The following RAD54L2 variants were observed in gnomAD, a reference collection of about 807,000 sequenced individuals.
The protein encoded by RAD54L2 is helicase ARIP4.
A neutral mutation model predicts 138.4 loss-of-function variants in RAD54L2; 27 were observed. The observed-to-expected ratio is 0.20, with a 90% CI of 0.14 to 0.27. The LOEUF is 0.27. Ranked by LOEUF, RAD54L2 falls within the 10% of genes least tolerant of loss-of-function variation. RAD54L2 has a pLI of 1.00. For synonymous variants in RAD54L2, 644 were observed against 723.2 expected, an observed-to-expected ratio of 0.89 and a Z score of 1.76; for missense variants, 1,396 against 1,890.2, an observed-to-expected ratio of 0.74 and a Z score of 4.85.
chr3:51,566,683 T>G (rs1333888140), intron 2 of RAD54L2, among the ~76,000 whole-genome samples: 1 of 151,908 alleles, frequency 6.6e-6, no homozygotes, highest in Non-Finnish European at 1.5e-5. Flanking sequence ...TTCTGTTTGA[T>G]TAGTTCCTCG....
chr3:51,597,644 A>G (rs1201311878), intron 3 of RAD54L2, among the ~76,000 whole-genome samples: 1 of 152,162 alleles, frequency 6.6e-6, no homozygotes, highest in Non-Finnish European at 1.5e-5. Flanking sequence ...CCTGGCCAAC[A>G]TGGAGAAACC....
chr3:51,564,056 C>T (rs989404974), intron 2 of RAD54L2, among the ~76,000 whole-genome samples: 1 of 152,182 alleles, frequency 6.6e-6, no homozygotes, highest in East Asian at 1.9e-4. Context: ...TTTGAGTCTG[C>T]TGGCTATAGT....
chr3:51,603,445 A>C (rs1700116864), intron 3 of RAD54L2, among the ~76,000 whole-genome samples: 1 of 152,102 alleles, frequency 6.6e-6, no homozygotes, highest in African/African-American at 2.4e-5. Flanking sequence ...GCCTCTACTA[A>C]AAAATACAAA....
rs538632589 is a variant in RAD54L2, at chr3:51,666,256, A to G, written c.*2836A>G. The G allele has an allele frequency of 8.6e-6, 1 of 116,322 alleles. No individual in the cohort carries two copies. The highest frequency in any genetic ancestry group is 2.8e-4 in the East Asian group (1 of 3,554). The allele number at this position is 116,322 out of a possible 1,614,324, so 7.2% of individuals were successfully genotyped here. A position where few individuals can be genotyped will look rare whatever the true frequency, so the allele number is the denominator to read the frequency against. On this transcript the variant is annotated 3_prime_UTR_variant, in exon 23 of 23. Transcript: ENST00000684192. ...CTTCTGACTTTTCCACTGTCTCTTT[A>G]TATGTGCTGATAGGCAAATGTGCAT...
chr3:51,635,671 C>T lies in RAD54L2; in HGVS notation c.1221C>T (p.Tyr407=), dbSNP rs1700967132. The part of the protein sequence containing the change: ...GGVLLMGYEM[Y]RLLTLKKSFA... ...TGCTGCTGATGGGGTACGAGATGTA[C>T]AGACTCCTCACTCTGAAGAAATCAT... is the stretch of plus-strand genomic sequence containing the variant. The change falls in exon 10 of 23, where the codon TAC becomes TAT. Residue 407 remains tyrosine (Y), a synonymous_variant. Coordinates refer to ENST00000684192, the MANE Select transcript of RAD54L2 (RefSeq NM_015106.4). The T allele has an allele frequency of 6.2e-7, 1 of 1,613,692 alleles. No homozygotes were observed. Among genetic ancestry groups the T allele is most frequent in the African/African-American group, 1.3e-5 (1 of 74,856 alleles).
intron 19 of RAD54L2, among the ~76,000 whole-genome samples, chr3:51,653,443 A>C (rs1316101567): frequency 1.3e-5 from 2 of 152,248 alleles, no homozygotes; most frequent in Non-Finnish European, 2.9e-5. Flanking sequence ...ATATACCCAA[A>C]GGATTATAAA....
chr3:51,629,509 T>G, intron 5 of RAD54L2, 36 bp downstream of exon 5: 4 of 1,605,706 alleles, frequency 2.5e-6, no homozygotes, highest in Non-Finnish European at 3.4e-6. Context: ...GCCCTTTGCT[T>G]CAGGAGGAAG....
Position 51,633,554 on chromosome 3 carries a change from C to G in RAD54L2, c.826-23C>G, listed in dbSNP as rs1285980009. On this transcript the variant is annotated intron_variant, in intron 7 of 22. Coordinates refer to ENST00000684192, the MANE Select transcript of RAD54L2 (RefSeq NM_015106.4). Reference sequence around the variant, plus strand: ...CCCTCATCTTTGTGAGCCCCTCTGACATTTGTCTTTGTCCCTTGTCAGATT... The same window carrying G: ...CCCTCATCTTTGTGAGCCCCTCTGAGATTTGTCTTTGTCCCTTGTCAGATT... 1.9e-6 allele frequency: 3 copies of G among 1,600,150 alleles called. No homozygotes were observed. In the African/African-American group the frequency reaches 4.0e-5, roughly 21 times the overall value.
At chr3:51,569,818 A>T (rs1699296886) in intron 2 of RAD54L2, among the ~76,000 whole-genome samples, 1 of 151,972 alleles carries the variant, frequency 6.6e-6, no homozygotes, top group Non-Finnish European at 1.5e-5. Flanking sequence ...ATATGCTAAC[A>T]TTTTATTTAT....
intron 2 of RAD54L2, among the ~76,000 whole-genome samples, chr3:51,561,331 C>T (rs1217542941): frequency 1.3e-5 from 2 of 152,030 alleles, no homozygotes; most frequent in Non-Finnish European, 2.9e-5. Context: ...TTGCAACCTC[C>T]ACCTCCTGGG....
intron 2 of RAD54L2, among the ~76,000 whole-genome samples, chr3:51,568,351 T>C (rs1276017274): frequency 3.9e-5 from 6 of 152,172 alleles, no homozygotes; most frequent in Non-Finnish European, 8.8e-5. Context: ...GACATTTTTA[T>C]TTTGGCTGCA....
chr3:51,550,903 C>T (rs115785793), intron 2 of RAD54L2, among the ~76,000 whole-genome samples: 10 of 151,766 alleles, frequency 6.6e-5, no homozygotes, highest in East Asian at 1.9e-4. Flanking sequence ...AAAAATTAGC[C>T]GGTGTGGTGG....
intron 14 of RAD54L2, among the ~76,000 whole-genome samples, chr3:51,641,132 A>G (rs1701123427): frequency 6.6e-6 from 1 of 150,732 alleles, no homozygotes; most frequent in Non-Finnish European, 1.5e-5. Context: ...CCTCCTGAGT[A>G]GCTGGGACCA....
chr3:51,639,750 G>A (rs1701079991), intron 13 of RAD54L2, 80 bp downstream of exon 13: 1 of 1,564,986 alleles, frequency 6.4e-7, no homozygotes, highest in African/African-American at 1.4e-5. Flanking sequence ...GAAGGGGTAG[G>A]GATGCATGGC....
intron 3 of RAD54L2, among the ~76,000 whole-genome samples, chr3:51,598,469 G>A (rs1462453737): frequency 6.6e-6 from 1 of 152,164 alleles, no homozygotes; most frequent in Non-Finnish European, 1.5e-5. Context: ...TGGGTGCGGT[G>A]GCTCACGCCT....
At chr3:51,658,642 G>A (rs1007385942) in intron 21 of RAD54L2, among the ~76,000 whole-genome samples, 1 of 152,038 alleles carries the variant, frequency 6.6e-6, no homozygotes, top group African/African-American at 2.4e-5. Flanking sequence ...GAGACTTTTT[G>A]TTCAGTAAGG....
At chr3:51,607,710 A>G (rs547509868) in intron 3 of RAD54L2, among the ~76,000 whole-genome samples, 25 of 149,596 alleles carry the variant, frequency 1.7e-4, no homozygotes, top group African/African-American at 5.9e-4. Flanking sequence ...CACCTCCCAG[A>G]CGGGGCGGCG....
At chr3:51,544,942 T>G (rs1698647838) in intron 2 of RAD54L2, among the ~76,000 whole-genome samples, 1 of 152,158 alleles carries the variant, frequency 6.6e-6, no homozygotes, top group Non-Finnish European at 1.5e-5. Context: ...ATTGTGAATT[T>G]TGCTGCCTGG....
intron 3 of RAD54L2, among the ~76,000 whole-genome samples, chr3:51,603,940 T>G (rs926725886): frequency 6.6e-6 from 1 of 152,164 alleles, no homozygotes; most frequent in African/African-American, 2.4e-5. Context: ...TTTTAAAAGC[T>G]TATTCTGGCT....
Sources: gnomAD v4.1 joint callset for allele counts (sites outside exome capture counted in the v4.1 genomes callset) on GRCh38, gnomAD v4.1.1 for gene constraint, MANE v1.5 for transcripts, NCBI Gene and HGNC (gene_info 2026-07-23, HGNC 2026-07-21) for gene names.